PRKAR2A: variants seen among roughly 807,000 people sequenced by gnomAD.
The protein encoded by PRKAR2A is protein kinase cAMP-dependent type II regulatory subunit alpha.
In PRKAR2A, 29 loss-of-function variants were observed where a neutral mutation model predicts 51.9. The observed-to-expected ratio is 0.56, with a 90% CI of 0.42 to 0.76. PRKAR2A has a LOEUF of 0.76. Ranked by LOEUF, PRKAR2A falls within the 30% of genes least tolerant of loss-of-function variation. PRKAR2A has a pLI of 0.00. For synonymous variants in PRKAR2A, 178 were observed against 186.2 expected, an observed-to-expected ratio of 0.96 and a Z score of 0.36; for missense variants, 445 against 512.1, an observed-to-expected ratio of 0.87 and a Z score of 1.26.
chr3:48,765,489 G>A, intron 6 of PRKAR2A, 140 bp from the exon 7 acceptor site: 2 of 645,136 alleles, frequency 3.1e-6, no homozygotes, highest in Non-Finnish European at 5.2e-6. Context: ...TCAATCTTGA[G>A]TCATCACTGG....
At chr3:48,790,408 T>C in intron 4 of PRKAR2A, 136 bp downstream of exon 4, 1 of 511,140 alleles carries the variant, frequency 2.0e-6, no homozygotes, top group East Asian at 3.3e-5. Context: ...AATGAAAACA[T>C]CTGTATGTAA....
rs554626543 is a variant in PRKAR2A, at chr3:48,769,923, A to T, written c.696+3032T>A. Among the ~76,000 whole-genome samples, 65 of 152,168 alleles carry T rather than the reference A, an allele frequency of 4.3e-4. 1 individual carries two copies. Among genetic ancestry groups the T allele is most frequent in the Middle Eastern group, 6.8e-3 (2 of 292 alleles). On this transcript the variant is annotated intron_variant, in intron 6 of 10. Transcript: ENST00000265563. ...GTCCCAAGTAGCTGGGACTACAGGC[A>T]TGTGCCGCCACATCAGCTAATTTCT... is the stretch of plus-strand genomic sequence containing the variant.
intron 1 of PRKAR2A, among the ~76,000 whole-genome samples, chr3:48,812,359 T>G (rs1336900152): frequency 6.6e-6 from 1 of 151,868 alleles, no homozygotes. Flanking sequence ...TGACTAACAA[T>G]AAAAAAGCAC....
intron 3 of PRKAR2A, among the ~76,000 whole-genome samples, chr3:48,790,837 G>A (rs944805389): frequency 2.0e-5 from 3 of 152,066 alleles, no homozygotes; most frequent in African/African-American, 7.2e-5. Context: ...GCTACCTGCC[G>A]ACTACATGGC....
rs545348556 is a variant in PRKAR2A, at chr3:48,760,338, C to T, written c.874-3894G>A. Among the ~76,000 whole-genome samples the T allele has an allele frequency of 5.9e-5, 9 of 152,174 alleles. No homozygotes were observed. The East Asian group carries it at 9.7e-4, about 16-fold the overall frequency. On this transcript the variant is annotated intron_variant, in intron 8 of 10. Transcript: ENST00000265563. The stretch of plus-strand genomic sequence containing the variant: ...TGCCATTGCACTCCAGCCTGGACAA[C>T]AAGAGCAAGACTCTGTCTCAAAAAA...
At chr3:48,829,871 ATTTTT>A (rs763726926) in intron 1 of PRKAR2A, among the ~76,000 whole-genome samples, 26 of 87,726 alleles carry the variant, frequency 3.0e-4, no homozygotes, top group African/African-American at 9.1e-4. Context: ...ATATATATAT[ATTTTT>A]TTTTTTTTTT....
At chr3:48,773,438 G>C (rs535053730) in intron 5 of PRKAR2A, among the ~76,000 whole-genome samples, 1 of 150,788 alleles carries the variant, frequency 6.6e-6, no homozygotes, top group Non-Finnish European at 1.5e-5. Flanking sequence ...CCACCTCCTG[G>C]GCTCACGCCA....
In PRKAR2A at chr3:48,751,272, T is replaced by G. The variant is rs2081643264; in HGVS notation, c.*313A>C. 1.9e-6 allele frequency: 1 copy of G among 520,810 alleles called. No individual in the cohort carries two copies. Among genetic ancestry groups the G allele is most frequent in the Non-Finnish European group, 3.7e-6 (1 of 269,190 alleles). The allele number at this position is 520,810 out of a possible 1,614,324, so 32.3% of individuals were successfully genotyped here. On this transcript the variant is annotated 3_prime_UTR_variant, in exon 11 of 11. Coordinates refer to ENST00000265563, the MANE Select transcript of PRKAR2A (RefSeq NM_004157.4). ...AGAGGAAAGGAGCATGTTTATACTT[T>G]GGACTTTGTATCAGGCACTTAAATT... is the stretch of plus-strand genomic sequence containing the variant.
intron 6 of PRKAR2A, among the ~76,000 whole-genome samples, chr3:48,767,847 C>T (rs971446270): frequency 1.3e-5 from 2 of 151,874 alleles, no homozygotes; most frequent in South Asian, 4.2e-4. Context: ...TCGCTTGAAC[C>T]TGGGAGGTGG....
At chr3:48,828,769 C>A (rs1031021745) in intron 1 of PRKAR2A, among the ~76,000 whole-genome samples, 4 of 149,874 alleles carry the variant, frequency 2.7e-5, no homozygotes, top group African/African-American at 9.8e-5. Context: ...ATCCTTTAAG[C>A]CTTTTTTTTA....
chr3:48,820,885 G>T (rs1362360331), intron 1 of PRKAR2A, among the ~76,000 whole-genome samples: 2 of 152,118 alleles, frequency 1.3e-5, no homozygotes, highest in Non-Finnish European at 2.9e-5. Flanking sequence ...CATTCCCAAT[G>T]TTGGCTAAAT....
chr3:48,762,091 A>C (rs1405168375), intron 8 of PRKAR2A, among the ~76,000 whole-genome samples: 2 of 152,246 alleles, frequency 1.3e-5, no homozygotes, highest in African/African-American at 4.8e-5. Context: ...TGGACTTGTC[A>C]AAATTAAAAC....
intron 2 of PRKAR2A, among the ~76,000 whole-genome samples, chr3:48,794,895 G>A (rs915298490): frequency 3.9e-5 from 6 of 152,040 alleles, no homozygotes; most frequent in Admixed American, 2.6e-4. Context: ...AGAATAAACC[G>A]GAAAGTAATG....
At chr3:48,839,846 T>C (rs921980009) in intron 1 of PRKAR2A, among the ~76,000 whole-genome samples, 5 of 152,160 alleles carry the variant, frequency 3.3e-5, no homozygotes, top group African/African-American at 9.7e-5. Flanking sequence ...ACAATTCATT[T>C]TTTCTTCCTT....
chr3:48,829,364 C>T (rs1384412060), intron 1 of PRKAR2A, among the ~76,000 whole-genome samples: 1 of 150,676 alleles, frequency 6.6e-6, no homozygotes, highest in African/African-American at 2.4e-5. Flanking sequence ...ACTAAAAATA[C>T]AAAAATTAGC....
Position 48,773,082 on chromosome 3 carries a change from T to G in PRKAR2A, c.569A>C (p.Lys190Thr), listed in dbSNP as rs776234506. Residue 190 changes from lysine to threonine, a missense_variant, in exon 6 of 11, where the codon AAA (lysine) becomes ACA (threonine). Lys to Thr is a moderately conservative substitution (Grantham distance 78, BLOSUM62 -1). Transcript: ENST00000265563. ...ACCAACAGAGCGGGTTTGATTATCTTTTGTTACTAAAATGTCATAAGTTCC... is the reference window on the plus strand; with the variant it reads ...ACCAACAGAGCGGGTTTGATTATCTGTTGTTACTAAAATGTCATAAGTTCC... ...ERGTYDILVT[K>T]DNQTRSVGQY... 13 of 1,610,280 alleles carry G rather than the reference T, an allele frequency of 8.1e-6. No homozygotes were observed. Among genetic ancestry groups the G allele is most frequent in the Non-Finnish European group, 1.0e-5 (12 of 1,177,830 alleles).
intron 6 of PRKAR2A, among the ~76,000 whole-genome samples, chr3:48,768,191 G>A (rs2081968649): frequency 6.6e-6 from 1 of 151,892 alleles, no homozygotes; most frequent in Admixed American, 6.6e-5. Flanking sequence ...TTACTGGGGA[G>A]GCAGAGGTGG....
rs187605886 is a variant in PRKAR2A at position 48,828,778 on chromosome 3, T to A, written c.262+18557A>T. On this transcript the variant is annotated intron_variant, in intron 1 of 10. Transcript: ENST00000265563. ...ATTCTTATCCTTTAAGCCTTTTTTT[T>A]ATTTTTTTACCAGGTGCAGTGGTTC... 4.4e-4 allele frequency among the ~76,000 whole-genome samples: 67 copies of A among 151,958 alleles called. 1 individual carries two copies. Among genetic ancestry groups the A allele is most frequent in the Middle Eastern group, 6.8e-3 (2 of 294 alleles).
chr3:48,799,435 T>C (rs905751355), intron 2 of PRKAR2A, among the ~76,000 whole-genome samples: 21 of 152,152 alleles, frequency 1.4e-4, no homozygotes, highest in Admixed American at 1.2e-3. Context: ...TATAATCACA[T>C]TGGGGTTAGG....
Sources: gnomAD v4.1 joint callset for allele counts (sites outside exome capture counted in the v4.1 genomes callset) on GRCh38, gnomAD v4.1.1 for gene constraint, MANE v1.5 for transcripts, NCBI Gene and HGNC (gene_info 2026-07-23, HGNC 2026-07-21) for gene names.